Variants in EIF3L observed in about 807,000 individuals in gnomAD.
EIF3L encodes the protein eukaryotic translation initiation factor 3 subunit L, also known as eIEF associated protein HSPC021.
In EIF3L, 32 loss-of-function variants were observed where a neutral mutation model predicts 74.6. That is an observed-to-expected ratio of 0.43 (90% CI 0.32 to 0.58). EIF3L has a LOEUF of 0.58. EIF3L is among the 20% of genes least tolerant of loss of function. EIF3L has a pLI of 0.06. For missense variants in EIF3L, 474 were observed against 707.8 expected (o/e 0.67, Z 3.75); for synonymous variants, 256 against 254.4 (o/e 1.01, Z -0.06).
chr22:37,862,084 C>G (rs1376164494), intron 5 of EIF3L, among the ~76,000 whole-genome samples: 1 of 152,234 alleles, frequency 6.6e-6, no homozygotes, highest in Non-Finnish European at 1.5e-5. Flanking sequence ...GATCAGCCCA[C>G]TTCAGCCTCC....
intron 11 of EIF3L, 77 bp downstream of exon 11, chr22:37,878,248 T>C: frequency 6.7e-7 from 1 of 1,496,450 alleles, no homozygotes; most frequent in Non-Finnish European, 8.9e-7. Context: ...GCACATGAAG[T>C]ATATCGGGGA....
chr22:37,870,685 T>C (rs1255858279), intron 8 of EIF3L, among the ~76,000 whole-genome samples: 1 of 152,148 alleles, frequency 6.6e-6, no homozygotes, highest in Non-Finnish European at 1.5e-5. Flanking sequence ...AACCACAAAA[T>C]GTATCTATTT....
At chr22:37,859,621 T>C (rs1028412879) in intron 5 of EIF3L, among the ~76,000 whole-genome samples, 1 of 151,660 alleles carries the variant, frequency 6.6e-6, no homozygotes, top group Middle Eastern at 3.4e-3. Flanking sequence ...TGACCTCGTG[T>C]TCCGCCCGCC....
chr22:37,871,689 G>A (rs984938617), intron 8 of EIF3L, among the ~76,000 whole-genome samples: 1 of 151,978 alleles, frequency 6.6e-6, no homozygotes, highest in Admixed American at 6.6e-5. Context: ...CCAACATGGT[G>A]AAACCTCATC....
intron 7 of EIF3L, among the ~76,000 whole-genome samples, chr22:37,864,999 A>G (rs1041125822): frequency 6.6e-6 from 1 of 152,204 alleles, no homozygotes; most frequent in African/African-American, 2.4e-5. Flanking sequence ...TAATTAATAC[A>G]CGTTGCCTGT....
rs969168817 is a variant in EIF3L at position 37,849,805 on chromosome 22, C to T, written c.34-210C>T. 1.6e-5 allele frequency: 10 copies of T among 624,776 alleles called. No individual in the cohort carries two copies. The African/African-American group carries it at 1.7e-4, about 10-fold the overall frequency. The allele number at this position is 624,776 out of a possible 1,614,324, so 38.7% of individuals were successfully genotyped here. ...TCGCTGATTCCCACAGCCTCTTGTC[C>T]TTTGCTCCACCTCATTGCACCCGTA... On this transcript the variant is annotated intron_variant, in intron 1 of 12. Transcript: ENST00000652021.
At chr22:37,849,927 A>T in intron 1 of EIF3L, 88 bp from the exon 2 acceptor site, 1 of 1,434,322 alleles carries the variant, frequency 7.0e-7, no homozygotes, top group Non-Finnish European at 9.8e-7. Flanking sequence ...CTGTATCCTT[A>T]GCTCTCTGCT....
At chr22:37,874,204 A>G (rs1926625121) in intron 8 of EIF3L, among the ~76,000 whole-genome samples, 166 bp from the exon 9 acceptor site, 1 of 152,072 alleles carries the variant, frequency 6.6e-6, no homozygotes, top group Non-Finnish European at 1.5e-5. Context: ...TTAGCATAAG[A>G]TTGGTTTTGC....
intron 3 of EIF3L, among the ~76,000 whole-genome samples, chr22:37,855,225 A>C (rs1250401268): frequency 6.6e-6 from 1 of 152,132 alleles, no homozygotes; most frequent in Non-Finnish European, 1.5e-5. Context: ...GCTCCAGGAG[A>C]TGGAAACGCT....
At chr22:37,859,787 T>C (rs932706572) in intron 5 of EIF3L, among the ~76,000 whole-genome samples, 8 of 151,990 alleles carry the variant, frequency 5.3e-5, no homozygotes, top group Admixed American at 4.6e-4. Context: ...GCAGGTCACC[T>C]GAGGTCAGGA....
intron 11 of EIF3L, chr22:37,878,875 G>A (rs1335334531): frequency 1.3e-5 from 2 of 152,020 alleles, no homozygotes; most frequent in African/African-American, 4.8e-5. Context: ...ACGGTGTTCA[G>A]ACAGGCTTTG....
chr22:37,875,732 C>A, intron 9 of EIF3L, 109 bp from the exon 10 acceptor site: 2 of 1,005,268 alleles, frequency 2.0e-6, no homozygotes, highest in Non-Finnish European at 2.9e-6. Flanking sequence ...TCCAGAGCTT[C>A]CTCTGGATAG....
intron 1 of EIF3L, 22 bp downstream of exon 1, chr22:37,849,504 G>C: frequency 6.3e-7 from 1 of 1,580,300 alleles, no homozygotes; most frequent in Non-Finnish European, 8.6e-7. Context: ...GTAAGGGCGC[G>C]GTGGGCTCCA....
chr22:37,886,987 G>T, intron 12 of EIF3L, 142 bp downstream of exon 12: 1 of 595,076 alleles, frequency 1.7e-6, no homozygotes, highest in Non-Finnish European at 2.9e-6. Context: ...GGAGTGCAGC[G>T]ACGTGATCTT....
Position 37,878,061 on chromosome 22 carries a change from C to T in EIF3L, c.1465C>T (p.Gln489Ter). The T allele has an allele frequency of 6.2e-7, 1 of 1,614,154 alleles. No homozygotes were observed. Among genetic ancestry groups the T allele is most frequent in the South Asian group, 1.1e-5 (1 of 91,082 alleles). ...LDLTEQEFRI[Q>*]LLVFKHKMKN... is the part of the protein sequence containing the mutation. ...CCTCACAGAGCAGGAGTTCCGGATC[C>T]AGCTTCTTGTCTTCAAACACAAGAT... The change falls in exon 11 of 13, where the codon CAG becomes TAG. Residue 489 changes from glutamine to a stop codon, truncating the protein, a stop_gained. Transcript: ENST00000652021. LOFTEE classifies it high-confidence loss of function.
intron 2 of EIF3L, 34 bp downstream of exon 2, chr22:37,850,097 T>C: frequency 1.2e-6 from 2 of 1,610,910 alleles, no homozygotes; most frequent in South Asian, 2.2e-5. Flanking sequence ...TGAGTACTCG[T>C]AGGGATCAGT....
chr22:37,858,606 C>A (rs1925669931), intron 4 of EIF3L, 73 bp from the exon 5 acceptor site: 1 of 1,358,244 alleles, frequency 7.4e-7, no homozygotes, highest in Non-Finnish European at 1.0e-6. Flanking sequence ...TATTCCTCCC[C>A]ACCAAAGAGC....
At chr22:37,868,842 A>G (rs559191870) in intron 7 of EIF3L, among the ~76,000 whole-genome samples, 2 of 151,596 alleles carry the variant, frequency 1.3e-5, no homozygotes, top group South Asian at 4.2e-4. Context: ...GGGTTTCTCC[A>G]TGTTGGTCAG....
rs1925935547 is a variant in EIF3L, at chr22:37,862,908, C to T, written c.436-61C>T. ...TTTGTTCACAGCTGTCACAGTATAC[C>T]ATGGGTAAAACACATTAAAATTAAA... On this transcript the variant is annotated intron_variant, in intron 5 of 12. Coordinates refer to ENST00000652021, the MANE Select transcript of EIF3L (RefSeq NM_016091.4). 1.5e-5 allele frequency: 19 copies of T among 1,274,506 alleles called. No homozygotes were observed. The South Asian group carries it at 2.2e-4, about 15-fold the overall frequency. 78.9% of individuals were successfully genotyped at this position (1,274,506 alleles called of 1,614,324 possible).
Sources: allele counts gnomAD v4.1 joint callset (sites outside exome capture counted in the v4.1 genomes callset), GRCh38; gene constraint gnomAD v4.1.1; transcripts MANE v1.5; gene names NCBI Gene and HGNC (gene_info 2026-07-23, HGNC 2026-07-21).